Variants in MACROD2 observed in about 807,000 individuals in gnomAD.
The protein encoded by MACROD2 is mono-ADP ribosylhydrolase 2.
In MACROD2, 36 loss-of-function variants were observed where a neutral mutation model predicts 70.4. That is an observed-to-expected ratio of 0.51 (90% confidence interval 0.39 to 0.68). MACROD2 has a LOEUF of 0.68. MACROD2 is among the 30% of genes least tolerant of loss of function. The pLI is 0.00. For synonymous variants in MACROD2, 172 were observed against 178.8 expected, an observed-to-expected ratio of 0.96 and a Z score of 0.30; for missense variants, 496 against 538.4, an observed-to-expected ratio of 0.92 and a Z score of 0.78.
At chr20:15,596,702 G>A (rs2048750575) in intron 8 of MACROD2, among the ~76,000 whole-genome samples, 1 of 152,174 alleles carries the variant, frequency 6.6e-6, no homozygotes, top group South Asian at 2.1e-4. Flanking sequence ...CATTATATGT[G>A]CATTCTACAT....
chr20:13,995,849 G>GT lies in MACROD2; in HGVS notation c.46+40_46+41insT. The GT allele has an allele frequency of 3.8e-6, 5 of 1,312,080 alleles. No homozygotes were observed. Among genetic ancestry groups the GT allele is most frequent in the Non-Finnish European group, 5.3e-6 (5 of 938,780 alleles). 81.3% of individuals were successfully genotyped at this position (1,312,080 alleles called of 1,614,324 possible). Reference sequence around the variant, plus strand: ...GAGTCCTGGGGGTGCGGGCGGTGGGGGTTAGGGTGGGGGCGGGGGTCAGGC... The same window carrying GT: ...GAGTCCTGGGGGTGCGGGCGGTGGGGTGTTAGGGTGGGGGCGGGGGTCAGGC... On this transcript the variant is annotated intron_variant, in intron 1 of 17. Transcript: ENST00000684519. The surrounding 1 kb of genome is among the most constrained non-coding windows in gnomAD (Gnocchi z 4.3).
intron 15 of MACROD2, among the ~76,000 whole-genome samples, chr20:16,017,715 G>A (rs1046652682): frequency 1.3e-5 from 2 of 152,174 alleles, no homozygotes; most frequent in African/African-American, 4.8e-5. Flanking sequence ...ACTCCTCAGA[G>A]TACATATATC....
intron 8 of MACROD2, among the ~76,000 whole-genome samples, chr20:15,681,096 G>A (rs925360057): frequency 2.6e-5 from 4 of 152,262 alleles, no homozygotes; most frequent in Admixed American, 6.5e-5. Flanking sequence ...AAGTGAAAAC[G>A]TCCACTCCAA....
At chr20:14,049,243 G>A (rs2053527754) in intron 2 of MACROD2, among the ~76,000 whole-genome samples, 1 of 150,534 alleles carries the variant, frequency 6.6e-6, no homozygotes, top group Non-Finnish European at 1.5e-5. Context: ...GGTGACATTG[G>A]TGCAGCAAAC....
chr20:15,203,020 G>C (rs915018537), intron 5 of MACROD2, among the ~76,000 whole-genome samples: 7 of 152,114 alleles, frequency 4.6e-5, no homozygotes, highest in Admixed American at 6.5e-5. Flanking sequence ...AGAAAAAATA[G>C]ATATAGAAAA....
At chr20:14,387,681 A>G (rs1358367957) in intron 3 of MACROD2, among the ~76,000 whole-genome samples, 1 of 152,224 alleles carries the variant, frequency 6.6e-6, no homozygotes, top group Non-Finnish European at 1.5e-5. Flanking sequence ...TACCAAGTAC[A>G]TGGTCTTATC....
intron 3 of MACROD2, among the ~76,000 whole-genome samples, chr20:14,176,567 A>C (rs907946206): frequency 6.6e-6 from 1 of 152,198 alleles, no homozygotes; most frequent in African/African-American, 2.4e-5. Flanking sequence ...TTTGATATTT[A>C]GTCCTTTCCT....
At chr20:15,786,173 A>AT (rs11474546) in intron 8 of MACROD2, among the ~76,000 whole-genome samples, 1 of 151,098 alleles carries the variant, frequency 6.6e-6, no homozygotes, top group East Asian at 1.9e-4. Flanking sequence ...AAAAAAAAAA[A>AT]CCCAGCAGGG....
chr20:15,533,541 G>A (rs370942487), intron 8 of MACROD2, among the ~76,000 whole-genome samples: 1 of 118,416 alleles, frequency 8.4e-6, no homozygotes, highest in African/African-American at 3.3e-5. Flanking sequence ...CTCTGTCTCT[G>A]TCGCTCTCTC....
At chr20:15,303,456 C>G (rs576525272) in intron 6 of MACROD2, among the ~76,000 whole-genome samples, 1 of 152,162 alleles carries the variant, frequency 6.6e-6, no homozygotes, top group African/African-American at 2.4e-5. Context: ...TTGCCCTAGA[C>G]GTTCATGTCA....
rs370454470 is a variant in MACROD2, at chr20:14,069,486, T to G, written c.164-16135T>G. Among the ~76,000 whole-genome samples the G allele has an allele frequency of 4.0e-3, 609 of 151,884 alleles. 4 individuals are homozygous for G. Among genetic ancestry groups the G allele is most frequent in the Non-Finnish European group, 6.1e-3 (415 of 67,978 alleles). On this transcript the variant is annotated intron_variant, in intron 2 of 17. Transcript: ENST00000684519. ...ACCAGGCTGGCCTCCCTCAGTTATG[T>G]TGCCTGTCTGTCTCCTATAGGCATT...
In MACROD2 at chr20:15,350,942, A is replaced by C. The variant is rs566433022; in HGVS notation, c.541-80463A>C. Among the ~76,000 whole-genome samples, 63 of 152,284 alleles carry C rather than the reference A, an allele frequency of 4.1e-4. 1 individual carries two copies. Among genetic ancestry groups the C allele is most frequent in the African/African-American group, 1.4e-3 (58 of 41,568 alleles). On this transcript the variant is annotated intron_variant, in intron 6 of 17. Transcript: ENST00000684519. ...AAATTTATAATAATAGCAAAACAAA[A>C]ACAAAAACAAAAAAACCTCATCTGT...
chr20:13,995,669 G>C lies in MACROD2; in HGVS notation c.-95G>C, dbSNP rs1377799766. ...GAGCCTCTTTCACTTTTTCCCTGCT[G>C]AGTGCCCCCTCCCACCCCTCCCACT... is the stretch of plus-strand genomic sequence containing the variant. On this transcript the variant is annotated 5_prime_UTR_variant, in exon 1 of 18. Transcript: ENST00000684519. This position sits in a 1 kb window ranked among gnomAD's most constrained non-coding sequence, Gnocchi z 4.3. 2 of 1,001,406 alleles carry C rather than the reference G, an allele frequency of 2.0e-6. No individual in the cohort carries two copies. The highest frequency in any genetic ancestry group is 3.2e-6 in the Non-Finnish European group (2 of 629,246). 62.0% of individuals were successfully genotyped at this position (1,001,406 alleles called of 1,614,324 possible). A position where few individuals can be genotyped will look rare whatever the true frequency, so the allele number is the denominator to read the frequency against.
intron 8 of MACROD2, among the ~76,000 whole-genome samples, chr20:15,573,745 T>C (rs60843930): frequency 0.056 from 8,588 of 152,088 alleles, 794 homozygotes; most frequent in African/African-American, 0.2. Flanking sequence ...CCTATTTTCC[T>C]GATACTCTCC....
At chr20:14,837,656 T>A (rs1453108849) in intron 5 of MACROD2, among the ~76,000 whole-genome samples, 1 of 152,012 alleles carries the variant, frequency 6.6e-6, no homozygotes, top group African/African-American at 2.4e-5. Context: ...TATTGACCAG[T>A]CAACTAAACA....
chr20:14,667,653 T>C (rs1319377940), intron 4 of MACROD2, among the ~76,000 whole-genome samples: 1 of 152,170 alleles, frequency 6.6e-6, no homozygotes, highest in Non-Finnish European at 1.5e-5. Context: ...AAAATGGTTC[T>C]GCTGGGTAAA....
chr20:14,813,934 AG>A (rs1024995713), intron 5 of MACROD2, among the ~76,000 whole-genome samples: 6 of 152,006 alleles, frequency 3.9e-5, no homozygotes, highest in African/African-American at 1.4e-4. Flanking sequence ...GAAGCTGTCT[AG>A]GGGTTTCATA....
At chr20:15,549,925 C>T (rs1377236722) in intron 8 of MACROD2, among the ~76,000 whole-genome samples, 7 of 151,862 alleles carry the variant, frequency 4.6e-5, no homozygotes, top group South Asian at 2.1e-4. Context: ...ATTCCAAATG[C>T]GACATATATA....
At chr20:14,662,868 G>C (rs1986292287) in intron 4 of MACROD2, among the ~76,000 whole-genome samples, 1 of 151,806 alleles carries the variant, frequency 6.6e-6, no homozygotes. Context: ...GAAATACACT[G>C]TTGATGAGAG....
Sources: allele counts gnomAD v4.1 joint callset (sites outside exome capture counted in the v4.1 genomes callset), GRCh38; gene constraint gnomAD v4.1.1; non-coding constraint Gnocchi (gnomAD v3.1); transcripts MANE v1.5; gene names NCBI Gene and HGNC (gene_info 2026-07-23, HGNC 2026-07-21).